Variants in ZNF208 observed in about 807,000 individuals in gnomAD.
ZNF208 encodes the protein zinc finger protein 208.
A neutral mutation model predicts 12.1 loss-of-function variants in ZNF208; 10 were observed. That is an observed-to-expected ratio of 0.83 (90% CI 0.51 to 1.40). The LOEUF (loss-of-function observed/expected upper bound fraction) is 1.40, where lower values mean the gene tolerates loss of function less well. Among genes scored for constraint, ZNF208 ranks in the 40% most tolerant of loss-of-function variants. ZNF208 has a pLI of 0.00. For synonymous variants in ZNF208, 497 were observed against 488.4 expected (o/e 1.02, Z -0.23); for missense variants, 1,652 against 1,485.0 (o/e 1.11, Z -1.85).
At chr19:21,962,712 TAAAC>T (rs992126299), downstream of ZNF208, among the ~76,000 whole-genome samples, 4 of 152,200 alleles carry the variant, frequency 2.6e-5, no homozygotes, top group African/African-American at 9.6e-5. Context: ...TTCTCAGAAA[TAAAC>T]AACACTCGGA....
chr19:21,972,008 G>A lies in ZNF208; in HGVS notation c.3026C>T (p.Ala1009Val), dbSNP rs757134133. ...KPYKCEECGK[A>V]FNWSSNLMEH... ...CATAAGGTTTGATGACCAGTTGAAA[G>A]CTTTGCCACATTCTTCACATTTGTA... Residue 1009 changes from alanine (A) to valine (V), a missense_variant, in exon 4 of 4, where the codon GCT (alanine) becomes GTT (valine). Physicochemically the swap from Ala to Val is moderately conservative, Grantham distance 64. Around this residue, in one of 3 missense-constraint regions of ZNF208, gnomAD observed 1,239 missense variants for 1,086.2 expected, o/e 1.14. Coordinates refer to ENST00000397126, the MANE Select transcript of ZNF208 (RefSeq NM_007153.3). 13 of 1,613,064 alleles carry A rather than the reference G, an allele frequency of 8.1e-6. 1 individual carries two copies. In the South Asian group the frequency reaches 1.4e-4, roughly 18 times the overall value.
chr19:21,943,512 A>C (rs540458914), intron 4 of ZNF208, among the ~76,000 whole-genome samples: 2 of 152,236 alleles, frequency 1.3e-5, no homozygotes, highest in Non-Finnish European at 2.9e-5. Context: ...TCTTAAAAAT[A>C]CTGCTTTGTA....
intron 3 of ZNF208, among the ~76,000 whole-genome samples, chr19:21,986,113 A>G (rs1970625248): frequency 6.6e-6 from 1 of 152,224 alleles, no homozygotes; most frequent in African/African-American, 2.4e-5. Context: ...ACACCAATGC[A>G]AAAGTATATT....
At chr19:21,979,544 C>T (rs951498817) in intron 3 of ZNF208, among the ~76,000 whole-genome samples, 3 of 152,120 alleles carry the variant, frequency 2.0e-5, no homozygotes, top group South Asian at 2.1e-4. Flanking sequence ...ATTTTGTCAC[C>T]ACCAGGCCTG....
chr19:21,971,067 T>C lies in ZNF208; in HGVS notation c.*124A>G. ...TGAATTCTCTTATGTTCCATAAGGT[T>C]TGAGGACCAGTTGAAAGCCTCACCA... On this transcript the variant is annotated 3_prime_UTR_variant, in exon 4 of 4. Coordinates refer to ENST00000397126, the MANE Select transcript of ZNF208 (RefSeq NM_007153.3). 1 of 1,612,096 alleles carries C rather than the reference T, an allele frequency of 6.2e-7. No homozygotes were observed. Among genetic ancestry groups the C allele is most frequent in the Non-Finnish European group, 8.5e-7 (1 of 1,178,802 alleles).
In ZNF208 at chr19:21,973,013, A is replaced by C. The variant is rs1970336644; in HGVS notation, c.2021T>G (p.Phe674Cys). The C allele has an allele frequency of 6.2e-7, 1 of 1,612,832 alleles. No individual in the cohort carries two copies. Among genetic ancestry groups the C allele is most frequent in the Admixed American group, 1.7e-5 (1 of 59,854 alleles). Residue 674 changes from phenylalanine to cysteine, a missense_variant, in exon 4 of 4, where the codon TTT becomes TGT. Physicochemically the swap from Phe to Cys is radical, Grantham distance 205. This residue lies in a region of ZNF208 where 1,239 missense variants were observed against 1,086.2 expected (regional missense o/e 1.14). Transcript: ENST00000397126. ...PYKCKECGKA[F>C]SKFSILTKHK... ...TTTAGTAAGGATTGAGAACTTACTA[A>C]AGGCTTTGCCACATTCTTTACATTT...
intron 4 of ZNF208, among the ~76,000 whole-genome samples, chr19:21,960,921 AGAT>A (rs1970056223): frequency 6.6e-6 from 1 of 152,200 alleles, no homozygotes; most frequent in East Asian, 1.9e-4. Flanking sequence ...TTCAGTGTGA[AGAT>A]GATGAGAATG....
intron 1 of ZNF208, among the ~76,000 whole-genome samples, chr19:22,003,370 A>G (rs1970988349): frequency 6.6e-6 from 1 of 152,190 alleles, no homozygotes; most frequent in Admixed American, 6.5e-5. Flanking sequence ...AGCAAAGGAA[A>G]CTATCAACAG....
At chr19:21,956,867 C>A (rs1324990469) in intron 4 of ZNF208, among the ~76,000 whole-genome samples, 1 of 152,168 alleles carries the variant, frequency 6.6e-6, no homozygotes, top group East Asian at 1.9e-4. Flanking sequence ...GTGAGATGAA[C>A]CCAGTACCTC....
intron 1 of ZNF208, among the ~76,000 whole-genome samples, chr19:21,994,982 C>A (rs997645331): frequency 1.4e-5 from 2 of 143,638 alleles, no homozygotes; most frequent in Non-Finnish European, 3.0e-5. Flanking sequence ...GACTGAGTCT[C>A]ACTTTGTTGC....
At chr19:21,979,999 A>T (rs1263448840) in intron 3 of ZNF208, among the ~76,000 whole-genome samples, 1 of 152,206 alleles carries the variant, frequency 6.6e-6, no homozygotes, top group African/African-American at 2.4e-5. Flanking sequence ...CATAATGGTA[A>T]AGGGATCAAT....
At chr19:21,965,413 G>T (rs948891638), downstream of ZNF208, among the ~76,000 whole-genome samples, 1 of 151,992 alleles carries the variant, frequency 6.6e-6, no homozygotes, top group Non-Finnish European at 1.5e-5. Flanking sequence ...GGCAAGAAAT[G>T]CCACACCTTG....
At position 21,987,130 on chromosome 19, in the gene ZNF208, C is replaced by T. The variant is rs1599624340; in HGVS notation, c.226+86G>A. The T allele has an allele frequency of 3.6e-6, 5 of 1,379,946 alleles. No homozygotes were observed. In the East Asian group the frequency reaches 1.3e-4, roughly 36 times the overall value. 85.5% of individuals were successfully genotyped at this position (1,379,946 alleles called of 1,614,324 possible). On this transcript the variant is annotated intron_variant, in intron 3 of 3. Transcript: ENST00000397126. ...TCTCCAGAAACTACTTCTTTTGGAA[C>T]ACAGCTTCCAGAATCACTTTAAGGA...
In ZNF208 at chr19:21,973,805, G is replaced by C. The variant is rs1047604535; in HGVS notation, c.1229C>G (p.Ser410Ter). The C allele has an allele frequency of 2.5e-6, 4 of 1,605,868 alleles. No individual in the cohort carries two copies. The African/African-American group carries it at 5.4e-5, about 22-fold the overall frequency. The stretch of plus-strand genomic sequence containing the variant: ...AATGACCTCATGTTTAGTAAGGATT[G>C]AGAACATACTAAAACCTTTGCCACA... ...EECGKGFSMFSILTKHEVIHT... is the reference protein window; with the variant it reads ...EECGKGFSMF The change falls in exon 4 of 4, where the codon TCA (serine) becomes TGA (stop). Residue 410 changes from serine (S) to a stop codon, truncating the protein, a stop_gained. Transcript: ENST00000397126. LOFTEE classifies it low-confidence loss of function (END_TRUNC).
chr19:21,964,535 C>T (rs10410985), downstream of ZNF208, among the ~76,000 whole-genome samples: 84,358 of 151,264 alleles, frequency 0.56, 23,775 homozygotes, highest in East Asian at 0.69. Context: ...AAACAATATG[C>T]CTTCTTCTCT....
chr19:21,963,907 G>A (rs1970118762), downstream of ZNF208, among the ~76,000 whole-genome samples: 1 of 151,850 alleles, frequency 6.6e-6, no homozygotes, highest in Non-Finnish European at 1.5e-5. Context: ...AATAGGTTAA[G>A]TAAGTTTTGA....
chr19:22,008,025 C>A (rs956417395), intron 1 of ZNF208, among the ~76,000 whole-genome samples: 8 of 114,768 alleles, frequency 7.0e-5, no homozygotes, highest in African/African-American at 2.0e-4. Flanking sequence ...AAAAAAAGGG[C>A]CGGGCGCGGT....
intron 1 of ZNF208, among the ~76,000 whole-genome samples, chr19:22,010,514 A>T (rs767961822): frequency 5.3e-5 from 8 of 152,222 alleles, no homozygotes; most frequent in Non-Finnish European, 1.2e-4. Context: ...GTCCCTGCAC[A>T]TCTGGGAGAG....
intron 3 of ZNF208, among the ~76,000 whole-genome samples, chr19:21,986,422 A>G (rs1568450493): frequency 6.6e-6 from 1 of 152,220 alleles, no homozygotes; most frequent in Non-Finnish European, 1.5e-5. Flanking sequence ...TAGCACTAAA[A>G]TAATAAATAT....
Sources: gnomAD v4.1 joint callset for allele counts (sites outside exome capture counted in the v4.1 genomes callset) on GRCh38, gnomAD v4.1.1 for gene constraint, gnomAD v4.1.1 regional missense constraint, MANE v1.5 for transcripts, NCBI Gene and HGNC (gene_info 2026-07-23, HGNC 2026-07-21) for gene names.